The following CYP2F1 variants were observed in gnomAD, a reference collection of about 807,000 sequenced individuals.
CYP2F1 encodes the protein cytochrome P450 2F1.
A neutral mutation model predicts 40.4 loss-of-function variants in CYP2F1; 33 were observed. That is an observed-to-expected ratio of 0.82 (90% CI 0.62 to 1.09). CYP2F1 has a LOEUF of 1.09. CYP2F1 is among the 50% of genes least tolerant of loss of function. The pLI is 0.00. For synonymous variants in CYP2F1, 235 were observed against 277.2 expected, an observed-to-expected ratio of 0.85 and a Z score of 1.51; for missense variants, 566 against 655.7, an observed-to-expected ratio of 0.86 and a Z score of 1.49.
At chr19:41,121,885 C>T in intron 5 of CYP2F1, 72 bp from the exon 6 acceptor site, 3 of 1,460,270 alleles carry the variant, frequency 2.1e-6, no homozygotes, top group Non-Finnish European at 2.8e-6. Context: ...CTACCTAATC[C>T]ACACTGACCC....
chr19:41,119,748 T>TACACACACAC lies in CYP2F1; in HGVS notation c.335-571_335-562dup, dbSNP rs147688839. Among the ~76,000 whole-genome samples, 180 of 36,058 alleles carry TACACACACAC rather than the reference T, an allele frequency of 5.0e-3. 6 individuals are homozygous for TACACACACAC. Among genetic ancestry groups the TACACACACAC allele is most frequent in the African/African-American group, 5.9e-3 (54 of 9,168 alleles). 23.7% of individuals were successfully genotyped at this position (36,058 alleles called of 152,430 possible). A position where few individuals can be genotyped will look rare whatever the true frequency, so the allele number is the denominator to read the frequency against. Reference sequence around the variant, plus strand: ...CTATATATATATATATATATATATATACACACACACACACACACACACACA... The same window carrying TACACACACAC: ...CTATATATATATATATATATATATATACACACACACACACACACACACACACACACACACA... On this transcript the variant is annotated intron_variant, in intron 3 of 9. Transcript: ENST00000331105.
At chr19:41,118,645 G>A (rs1400838501) in intron 3 of CYP2F1, among the ~76,000 whole-genome samples, 1 of 152,242 alleles carries the variant, frequency 6.6e-6, no homozygotes, top group Non-Finnish European at 1.5e-5. Flanking sequence ...ACATCTGGAT[G>A]GGTACATCGT....
chr19:41,116,116 G>T, intron 1 of CYP2F1, 62 bp from the exon 2 acceptor site: 8 of 1,496,278 alleles, frequency 5.3e-6, no homozygotes, highest in Non-Finnish European at 6.4e-6. Context: ...GTAAGTCCCA[G>T]GGGAGATGGA....
At chr19:41,118,036 G>A (rs2031927550) in intron 3 of CYP2F1, among the ~76,000 whole-genome samples, 1 of 151,960 alleles carries the variant, frequency 6.6e-6, no homozygotes, top group Admixed American at 6.6e-5. Context: ...TTTTAGTAGA[G>A]ACTGGGTTTC....
At chr19:41,122,246 G>A (rs1444919619) in intron 6 of CYP2F1, 113 bp downstream of exon 6, 3 of 1,032,070 alleles carry the variant, frequency 2.9e-6, no homozygotes, top group Non-Finnish European at 4.2e-6. Flanking sequence ...CTTCTCCCTG[G>A]AGAAGCTGAA....
intron 1 of CYP2F1, among the ~76,000 whole-genome samples, chr19:41,115,872 G>A (rs183341977): frequency 1.3e-4 from 20 of 151,844 alleles, no homozygotes; most frequent in African/African-American, 3.6e-4. Flanking sequence ...TATGTAGATC[G>A]CTCACTGTTT....
At position 41,127,875 on chromosome 19, in the gene CYP2F1, C is replaced by G. The variant is rs369957903; in HGVS notation, c.1295-26C>G. On this transcript the variant is annotated intron_variant, in intron 9 of 9. Transcript: ENST00000331105. The stretch of plus-strand genomic sequence containing the variant: ...CTCTAACCTCATCTTATCTCACCGC[C>G]GCTCCCCATCCTGCCACCCCTGCAG... The G allele has an allele frequency of 1.1e-5, 17 of 1,600,068 alleles. No individual in the cohort carries two copies. The African/African-American group carries it at 1.7e-4, about 16-fold the overall frequency.
At chr19:41,118,406 G>A (rs2031947561) in intron 3 of CYP2F1, among the ~76,000 whole-genome samples, 1 of 152,112 alleles carries the variant, frequency 6.6e-6, no homozygotes, top group Non-Finnish European at 1.5e-5. Flanking sequence ...AATGTCTAGG[G>A]CTCTCCCTGG....
At position 41,116,320 on chromosome 19, in the gene CYP2F1, G is replaced by T; in HGVS notation, c.132G>T (p.Leu44=). Residue 44 remains leucine (L), a synonymous_variant, in exon 2 of 10, where the codon CTG becomes CTT. Transcript: ENST00000331105. ...PRPLSILGNL[L]LLCSQDMLTS... ...CCCTCTCAATCCTGGGAAACCTGCT[G>T]CTGCTTTGCTCCCAAGACATGCTGA... 6.2e-7 allele frequency: 1 copy of T among 1,614,146 alleles called. No homozygotes were observed.
At position 41,121,572 on chromosome 19, in the gene CYP2F1, G is replaced by A. The variant is rs770064778; in HGVS notation, c.599G>A (p.Arg200His). 17 of 1,610,110 alleles carry A rather than the reference G, an allele frequency of 1.1e-5. No homozygotes were observed. The highest frequency in any genetic ancestry group is 2.2e-5 in the South Asian group (2 of 90,900). ...GATGAGCGTCTGCTCACCATTATCC[G>A]CCTTATCAATGACAACTTCCAAATC... ...YDDERLLTII[R>H]LINDNFQIMS... The change falls in exon 5 of 10, where the codon CGC (arginine) becomes CAC (histidine). Residue 200 changes from arginine to histidine, a missense_variant. This residue lies in a region of CYP2F1 where 264 missense variants were observed against 275.7 expected (regional missense o/e 0.96). Coordinates refer to ENST00000331105, the MANE Select transcript of CYP2F1 (RefSeq NM_000774.5).
At chr19:41,119,742 T>TAC (rs1163848947) in intron 3 of CYP2F1, among the ~76,000 whole-genome samples, 737 of 71,354 alleles carry the variant, frequency 0.01, 11 homozygotes, top group Middle Eastern at 0.026. Context: ...TATATATATA[T>TAC]ATATATACAC....
At chr19:41,123,426 C>T (rs2032352685) in intron 7 of CYP2F1, 2 of 345,842 alleles carry the variant, frequency 5.8e-6, no homozygotes, top group South Asian at 2.2e-5. Context: ...CCAAGTTGGC[C>T]AGGCTGGTCT....
intron 6 of CYP2F1, 53 bp downstream of exon 6, chr19:41,122,186 GC>G: frequency 1.6e-5 from 24 of 1,476,818 alleles, no homozygotes; most frequent in Non-Finnish European, 2.2e-5. Flanking sequence ...TTCTCCTGCT[GC>G]CCCTGCCTCA....
intron 7 of CYP2F1, 70 bp downstream of exon 7, chr19:41,123,033 C>T (rs760853657): frequency 3.0e-5 from 46 of 1,526,594 alleles, no homozygotes; most frequent in Admixed American, 3.9e-5. Context: ...CAGGGAGCCA[C>T]GGCCCCGCCT....
rs374908629 is a variant in CYP2F1 at position 41,125,551 on chromosome 19, C to T, written c.1211C>T (p.Thr404Met). 1.1e-4 allele frequency: 176 copies of T among 1,602,464 alleles called. No homozygotes were observed. The highest frequency in any genetic ancestry group is 1.8e-4 in the African/African-American group (13 of 72,938). The change falls in exon 9 of 10, where the codon ACG becomes ATG. Residue 404 changes from threonine (T) to methionine (M), a missense_variant. Physicochemically the swap from Thr to Met is moderately conservative, Grantham distance 81. Coordinates refer to ENST00000331105, the MANE Select transcript of CYP2F1 (RefSeq NM_000774.5). ...CACTACGACCCCAGCCAGTTCCTGA[C>T]GCCCCAGGAGTTCAACCCCGAGCAT... Reference protein sequence around the residue: ...TVHYDPSQFLTPQEFNPEHFL... With the variant: ...TVHYDPSQFLMPQEFNPEHFL...
At chr19:41,119,744 T>TAC (rs1354298472) in intron 3 of CYP2F1, among the ~76,000 whole-genome samples, 1,496 of 63,754 alleles carry the variant, frequency 0.023, 34 homozygotes, top group East Asian at 0.036. Flanking sequence ...TATATATATA[T>TAC]ATATACACAC....
chr19:41,117,693 T>C (rs1296979631), intron 3 of CYP2F1, among the ~76,000 whole-genome samples: 1 of 152,102 alleles, frequency 6.6e-6, no homozygotes, highest in Non-Finnish European at 1.5e-5. Flanking sequence ...TCATTCCCCA[T>C]TGTCATTCCC....
intron 3 of CYP2F1, among the ~76,000 whole-genome samples, chr19:41,116,825 G>A (rs1355823723): frequency 6.6e-6 from 1 of 151,914 alleles, no homozygotes; most frequent in African/African-American, 2.4e-5. Context: ...TTCCTGAATT[G>A]TACTCTTGCA....
chr19:41,120,339 C>G lies in CYP2F1; in HGVS notation c.335-8C>G, dbSNP rs113609746. The G allele has an allele frequency of 3.7e-3, 5,841 of 1,581,122 alleles. 204 individuals carry two copies. The African/African-American group carries it at 0.069, about 19-fold the overall frequency. On this transcript the variant is annotated splice_region_variant and splice_polypyrimidine_tract_variant and intron_variant, in intron 3 of 9. Coordinates refer to ENST00000331105, the MANE Select transcript of CYP2F1 (RefSeq NM_000774.5). ...CCGGTTAAGCTGGTCCCCTCCTCTTCTCCCCAGGCATCGCCTTCTCCAGTG... is the reference window on the plus strand; with the variant it reads ...CCGGTTAAGCTGGTCCCCTCCTCTTGTCCCCAGGCATCGCCTTCTCCAGTG...
Sources: allele counts gnomAD v4.1 joint callset (sites outside exome capture counted in the v4.1 genomes callset), GRCh38; gene constraint gnomAD v4.1.1; regional missense constraint gnomAD v4.1.1; transcripts MANE v1.5; gene names NCBI Gene and HGNC (gene_info 2026-07-23, HGNC 2026-07-21).